The following SGCZ variants were observed in gnomAD, a reference collection of about 807,000 sequenced individuals.
SGCZ encodes sarcoglycan zeta, also known as zeta-sarcoglycan.
SGCZ carries 40 observed loss-of-function variants against 41.3 expected under a neutral mutation model. That is an observed-to-expected ratio of 0.97 (90% CI 0.75 to 1.26). SGCZ has a LOEUF of 1.26. SGCZ is among the 50% of genes most tolerant of loss of function. The probability of loss-of-function intolerance (pLI) is 0.00; values close to 1 mark genes in which losing one functional copy is unlikely to be tolerated. For missense variants in SGCZ, 552 were observed against 369.8 expected (o/e 1.49, Z -4.04); for synonymous variants, 206 against 137.5 (o/e 1.50, Z -3.49).
At chr8:14,240,654 A>G (rs901376425) in intron 3 of SGCZ, among the ~76,000 whole-genome samples, 1 of 152,208 alleles carries the variant, frequency 6.6e-6, no homozygotes, top group Non-Finnish European at 1.5e-5. Context: ...AGCTATACTT[A>G]TTTATTATAA....
chr8:14,222,599 A>G (rs1398793498), intron 4 of SGCZ, among the ~76,000 whole-genome samples: 1 of 152,136 alleles, frequency 6.6e-6, no homozygotes, highest in African/African-American at 2.4e-5. Flanking sequence ...CACGAAGATC[A>G]GAAAACTCTT....
At chr8:14,724,679 T>C (rs1211803479) in intron 1 of SGCZ, among the ~76,000 whole-genome samples, 1 of 111,568 alleles carries the variant, frequency 9.0e-6, no homozygotes, top group East Asian at 2.5e-4. Context: ...AAAAGAGTTA[T>C]CACTAAGTGA....
rs760788606 is a variant in SGCZ, at chr8:14,528,827, C to CAA, written c.234+25903_234+25904dup. Among the ~76,000 whole-genome samples the CAA allele has an allele frequency of 4.0e-3, 209 of 52,452 alleles. 2 individuals carry two copies. Among genetic ancestry groups the CAA allele is most frequent in the Middle Eastern group, 0.011 (1 of 94 alleles). The allele number at this position is 52,452 out of a possible 152,430, so 34.4% of individuals were successfully genotyped here. A position where few individuals can be genotyped will look rare whatever the true frequency, so the allele number is the denominator to read the frequency against. On this transcript the variant is annotated intron_variant, in intron 2 of 7. Coordinates refer to ENST00000382080, the MANE Select transcript of SGCZ (RefSeq NM_139167.4). Reference sequence around the variant, plus strand: ...TAATAACACAACATCACGGACCAGCCAAAAAAAAAACAAAACAAAAACAAA... The same window carrying CAA: ...TAATAACACAACATCACGGACCAGCCAAAAAAAAAAAACAAAACAAAAACAAA...
At chr8:14,993,351 C>T (rs932049711) in intron 1 of SGCZ, among the ~76,000 whole-genome samples, 1 of 151,970 alleles carries the variant, frequency 6.6e-6, no homozygotes, top group African/African-American at 2.4e-5. Context: ...ACCCAAAAAC[C>T]ACAGGCTATT....
At chr8:14,860,061 T>A (rs762234470) in intron 1 of SGCZ, among the ~76,000 whole-genome samples, 1 of 151,240 alleles carries the variant, frequency 6.6e-6, no homozygotes, top group Non-Finnish European at 1.5e-5. Context: ...TCCTTTAGGT[T>A]CCCTCTCCAC....
At chr8:14,264,471 A>G (rs544877988) in intron 3 of SGCZ, among the ~76,000 whole-genome samples, 2 of 152,296 alleles carry the variant, frequency 1.3e-5, no homozygotes, top group African/African-American at 4.8e-5. Flanking sequence ...CTTCAGGAAC[A>G]AAACATCCGC....
At chr8:14,666,891 T>G (rs1374692039) in intron 1 of SGCZ, among the ~76,000 whole-genome samples, 1 of 151,186 alleles carries the variant, frequency 6.6e-6, no homozygotes, top group Non-Finnish European at 1.5e-5. Flanking sequence ...CATTAGGTAC[T>G]AAAATATTCT....
intron 3 of SGCZ, among the ~76,000 whole-genome samples, chr8:14,304,272 T>C (rs1389807341): frequency 1.3e-5 from 2 of 151,240 alleles, no homozygotes; most frequent in East Asian, 4.0e-4. Context: ...GTAAATACCG[T>C]CTACACAAAA....
rs1806430501 is a variant in SGCZ, at chr8:15,097,866, GTATATATATATATATACGTGTGTA to G, written c.39+139695_39+139718del. Among the ~76,000 whole-genome samples the G allele has an allele frequency of 2.0e-4, 14 of 68,494 alleles. 1 individual carries two copies. Among genetic ancestry groups the G allele is most frequent in the African/African-American group, 7.0e-4 (12 of 17,034 alleles). 44.9% of individuals were successfully genotyped at this position (68,494 alleles called of 152,430 possible). ...TGTATATATATATATACGTGTGTGTGTATATATATATATATACGTGTGTATATATATATATATATATATACGTGT... is the reference window on the plus strand; with the variant it reads ...TGTATATATATATATACGTGTGTGTGTATATATATATATATATATACGTGT... On this transcript the variant is annotated intron_variant, in intron 1 of 7. Coordinates refer to ENST00000382080, the MANE Select transcript of SGCZ (RefSeq NM_139167.4).
intron 4 of SGCZ, among the ~76,000 whole-genome samples, chr8:14,213,676 T>G (rs1468604881): frequency 1.3e-5 from 2 of 152,070 alleles, no homozygotes; most frequent in African/African-American, 4.8e-5. Context: ...TCATGAACCT[T>G]TTAAATCATA....
intron 1 of SGCZ, among the ~76,000 whole-genome samples, chr8:14,943,984 C>T (rs1800362181): frequency 6.6e-6 from 1 of 152,028 alleles, no homozygotes; most frequent in Admixed American, 6.6e-5. Flanking sequence ...GTTCTTCATA[C>T]CATTTTCTTT....
chr8:14,783,260 C>A (rs930303861), intron 1 of SGCZ, among the ~76,000 whole-genome samples: 1 of 152,048 alleles, frequency 6.6e-6, no homozygotes, highest in Non-Finnish European at 1.5e-5. Flanking sequence ...ATGGCGAAAG[C>A]CAGTATCTAC....
intron 3 of SGCZ, among the ~76,000 whole-genome samples, chr8:14,286,540 G>A (rs946370215): frequency 2.0e-5 from 3 of 152,036 alleles, no homozygotes; most frequent in African/African-American, 7.2e-5. Context: ...AATGACAGCA[G>A]TAGTTTATAT....
chr8:15,026,819 A>C (rs1803476186), intron 1 of SGCZ, among the ~76,000 whole-genome samples: 2 of 152,286 alleles, frequency 1.3e-5, no homozygotes, highest in Middle Eastern at 3.4e-3. Flanking sequence ...AAAGCCCAAC[A>C]GTAGATTTCT....
intron 1 of SGCZ, among the ~76,000 whole-genome samples, chr8:14,714,081 C>T (rs1809610500): frequency 6.6e-6 from 1 of 152,084 alleles, no homozygotes. Flanking sequence ...AATTCTTCTG[C>T]CTCAGCCTCC....
intron 1 of SGCZ, among the ~76,000 whole-genome samples, chr8:14,899,580 A>G (rs1331236548): frequency 2.0e-5 from 3 of 152,188 alleles, no homozygotes; most frequent in Non-Finnish European, 4.4e-5. Flanking sequence ...CCCACTGCAC[A>G]GGCAAAGCTT....
At chr8:15,058,942 A>T (rs949902523) in intron 1 of SGCZ, among the ~76,000 whole-genome samples, 1 of 152,186 alleles carries the variant, frequency 6.6e-6, no homozygotes, top group African/African-American at 2.4e-5. Context: ...GGTGTTTTTA[A>T]AAGAAATTTA....
chr8:14,821,736 G>T (rs1271602478), intron 1 of SGCZ, among the ~76,000 whole-genome samples: 1 of 151,734 alleles, frequency 6.6e-6, no homozygotes, highest in Non-Finnish European at 1.5e-5. Context: ...TTTAATAGAG[G>T]CAGAAAAAGC....
chr8:14,719,742 T>C lies in SGCZ; in HGVS notation c.40-164816A>G, dbSNP rs1809818172. On this transcript the variant is annotated intron_variant, in intron 1 of 7. Coordinates refer to ENST00000382080, the MANE Select transcript of SGCZ (RefSeq NM_139167.4). ...TAAATTTGTTTGAGTTCATTGTAGATTCTAGATATTAGCCCTTTGTCAGAT... is the reference window on the plus strand; with the variant it reads ...TAAATTTGTTTGAGTTCATTGTAGACTCTAGATATTAGCCCTTTGTCAGAT... Among the ~76,000 whole-genome samples the C allele has an allele frequency of 2.6e-5, 4 of 152,052 alleles. No individual in the cohort carries two copies. The South Asian group carries it at 8.4e-4, about 32-fold the overall frequency.
Sources: allele counts gnomAD v4.1 joint callset (sites outside exome capture counted in the v4.1 genomes callset), GRCh38; gene constraint gnomAD v4.1.1; transcripts MANE v1.5; gene names NCBI Gene and HGNC (gene_info 2026-07-23, HGNC 2026-07-21).